Variants in ROBO1 observed in about 807,000 individuals in gnomAD.
The protein encoded by ROBO1 is roundabout guidance receptor 1, also known as roundabout homolog 1.
In ROBO1, 149 loss-of-function variants were observed where a neutral mutation model predicts 195.9. The observed-to-expected ratio is 0.76, with a 90% confidence interval of 0.67 to 0.87. The LOEUF is 0.87. Ranked by LOEUF, ROBO1 falls within the 40% of genes least tolerant of loss-of-function variation. The pLI is 0.00. For synonymous variants in ROBO1, 816 were observed against 733.2 expected (o/e 1.11, Z -1.82); for missense variants, 1,933 against 2,068.3 (o/e 0.93, Z 1.27).
At chr3:79,724,407 T>G (rs1216412493) in intron 1 of ROBO1, among the ~76,000 whole-genome samples, 1 of 152,202 alleles carries the variant, frequency 6.6e-6, no homozygotes, top group Non-Finnish European at 1.5e-5. Context: ...CTTGCATACT[T>G]CTCTCTTCTT....
At chr3:78,713,819 A>G (rs1341622575) in intron 8 of ROBO1, among the ~76,000 whole-genome samples, 1 of 152,260 alleles carries the variant, frequency 6.6e-6, no homozygotes, top group Admixed American at 6.5e-5. Flanking sequence ...CAAAATTAGC[A>G]AAGTACAACT....
chr3:79,477,131 C>T (rs945049634), intron 2 of ROBO1, among the ~76,000 whole-genome samples: 3 of 152,034 alleles, frequency 2.0e-5, no homozygotes, highest in African/African-American at 7.2e-5. Flanking sequence ...GTCACTGGTA[C>T]TGCTAATACT....
intron 4 of ROBO1, among the ~76,000 whole-genome samples, chr3:78,853,546 C>A (rs552951268): frequency 2.6e-4 from 39 of 150,734 alleles, no homozygotes; most frequent in Admixed American, 9.9e-4. Flanking sequence ...CTATGGTACC[C>A]AGTCATTTGT....
At chr3:79,243,136 A>G (rs2082553890) in intron 2 of ROBO1, among the ~76,000 whole-genome samples, 1 of 151,974 alleles carries the variant, frequency 6.6e-6, no homozygotes, top group South Asian at 2.1e-4. Context: ...TTCCAGCTTC[A>G]TCCATGTCCC....
intron 3 of ROBO1, among the ~76,000 whole-genome samples, chr3:78,940,254 C>A (rs2040060558): frequency 6.6e-6 from 1 of 151,944 alleles, no homozygotes; most frequent in Admixed American, 6.5e-5. Flanking sequence ...ATCTATATAA[C>A]CAGCTACCAT....
At chr3:79,238,022 C>T (rs2082446487) in intron 2 of ROBO1, among the ~76,000 whole-genome samples, 1 of 152,190 alleles carries the variant, frequency 6.6e-6, no homozygotes, top group South Asian at 2.1e-4. Flanking sequence ...CTTGGCACAA[C>T]AGGCTGTCTG....
rs1006858509 is a variant in ROBO1, at chr3:79,479,633, A to G, written c.88+110191T>C. Among the ~76,000 whole-genome samples, 7 of 152,332 alleles carry G rather than the reference A, an allele frequency of 4.6e-5. No individual in the cohort carries two copies. In the East Asian group the frequency reaches 1.2e-3, roughly 25 times the overall value. ...CAAACCTTTGGAAAGTTACCTTACCATGATGGGTAATGGATATAGGAAATC... is the reference window on the plus strand; with the variant it reads ...CAAACCTTTGGAAAGTTACCTTACCGTGATGGGTAATGGATATAGGAAATC... On this transcript the variant is annotated intron_variant, in intron 2 of 30. Coordinates refer to ENST00000464233, the MANE Select transcript of ROBO1 (RefSeq NM_002941.4).
chr3:79,094,339 G>A (rs1479020734), intron 3 of ROBO1, among the ~76,000 whole-genome samples: 1 of 152,092 alleles, frequency 6.6e-6, no homozygotes, highest in Non-Finnish European at 1.5e-5. Flanking sequence ...TCAGTGAGAA[G>A]GTCAATGGTT....
chr3:79,034,354 C>T (rs947222044), intron 3 of ROBO1, among the ~76,000 whole-genome samples: 1 of 152,084 alleles, frequency 6.6e-6, no homozygotes, highest in Non-Finnish European at 1.5e-5. Context: ...TCCACATTTA[C>T]ACAGGATGGC....
intron 3 of ROBO1, among the ~76,000 whole-genome samples, chr3:79,037,249 G>A (rs575237569): frequency 1.3e-5 from 2 of 152,152 alleles, no homozygotes; most frequent in South Asian, 2.1e-4. Context: ...CTAGGTATTC[G>A]TTAGAATACA....
rs556609542 is a variant in ROBO1 at position 78,632,614 on chromosome 3, C to T, written c.3482-1309G>A. 4.1e-4 allele frequency among the ~76,000 whole-genome samples: 63 copies of T among 152,266 alleles called. No homozygotes were observed. In the South Asian group the frequency reaches 8.7e-3, roughly 21 times the overall value. On this transcript the variant is annotated intron_variant, in intron 24 of 30. Coordinates refer to ENST00000464233, the MANE Select transcript of ROBO1 (RefSeq NM_002941.4). The stretch of plus-strand genomic sequence containing the variant: ...TTGCTTTGTTCTCTTCCCTAATTAC[C>T]ATCACGCATCTTTACATCTTTTTAC...
Position 78,799,694 on chromosome 3 carries a change from C to T in ROBO1, c.500-52794G>A, listed in dbSNP as rs199714623. ...TGTTTTTTTCTGCCTCTATCTGGGT[C>T]CTGGTCTTCCTTTTTCTAATCTACT... On this transcript the variant is annotated intron_variant, in intron 4 of 30. Transcript: ENST00000464233. 2.6e-5 allele frequency among the ~76,000 whole-genome samples: 4 copies of T among 151,982 alleles called. No homozygotes were observed. The East Asian group carries it at 7.7e-4, about 29-fold the overall frequency.
At position 78,951,094 on chromosome 3, in the gene ROBO1, TCTGA is replaced by T. The variant is rs544891148; in HGVS notation, c.173-12171_173-12168del. ...AACCTATATCATAGATATATATAAC[TCTGA>T]CTCACTTTCTTAAAGGAAAACTTTA... On this transcript the variant is annotated intron_variant, in intron 3 of 30. Coordinates refer to ENST00000464233, the MANE Select transcript of ROBO1 (RefSeq NM_002941.4). 3.8e-3 allele frequency among the ~76,000 whole-genome samples: 574 copies of T among 151,762 alleles called. 3 individuals carry two copies. Among genetic ancestry groups the T allele is most frequent in the African/African-American group, 0.014 (560 of 41,398 alleles).
At chr3:78,742,799 G>A (rs2108262838) in intron 5 of ROBO1, among the ~76,000 whole-genome samples, 1 of 152,292 alleles carries the variant, frequency 6.6e-6, no homozygotes, top group South Asian at 2.1e-4. Flanking sequence ...ACTTTAAACT[G>A]TTTGATTCCT....
chr3:79,625,474 A>T (rs953127261), intron 1 of ROBO1, among the ~76,000 whole-genome samples: 6 of 148,368 alleles, frequency 4.0e-5, no homozygotes, highest in Admixed American at 1.4e-4. Context: ...AGACTAGTAA[A>T]AAAGAAAAGA....
At chr3:78,776,599 G>A (rs1289546561) in intron 4 of ROBO1, among the ~76,000 whole-genome samples, 12 of 152,170 alleles carry the variant, frequency 7.9e-5, no homozygotes, top group African/African-American at 1.7e-4. Flanking sequence ...AGTGGCCTTC[G>A]ATATGATTCC....
At chr3:79,307,765 T>C (rs987748361) in intron 2 of ROBO1, among the ~76,000 whole-genome samples, 10 of 152,280 alleles carry the variant, frequency 6.6e-5, no homozygotes, top group Non-Finnish European at 1.2e-4. Flanking sequence ...TTTGTTGATT[T>C]GGGTTAATTT....
In ROBO1 at chr3:78,668,125, T is replaced by C. The variant is rs1222383004; in HGVS notation, c.1799+9A>G. On this transcript the variant is annotated intron_variant, in intron 13 of 30. Transcript: ENST00000464233. ...AAAGAACAACTAGGAAGCATCTCCT[T>C]CACTCTACCTGAAGGCTTCTATAAT... 6.2e-7 allele frequency: 1 copy of C among 1,612,720 alleles called. No individual in the cohort carries two copies. The highest frequency in any genetic ancestry group is 8.5e-7 in the Non-Finnish European group (1 of 1,179,370).
At chr3:78,787,547 C>T (rs1048053598) in intron 4 of ROBO1, among the ~76,000 whole-genome samples, 19 of 152,166 alleles carry the variant, frequency 1.2e-4, no homozygotes, top group African/African-American at 4.3e-4. Flanking sequence ...TTGTGATCCA[C>T]GTTGTAAGTA....
Sources: gnomAD v4.1 joint callset for allele counts (sites outside exome capture counted in the v4.1 genomes callset) on GRCh38, gnomAD v4.1.1 for gene constraint, MANE v1.5 for transcripts, NCBI Gene and HGNC (gene_info 2026-07-23, HGNC 2026-07-21) for gene names.